PRKG1: variants seen among roughly 807,000 people sequenced by gnomAD.
The protein encoded by PRKG1 is cGMP-dependent protein kinase 1.
PRKG1 carries 35 observed loss-of-function variants against 88.1 expected under a neutral mutation model. That is an observed-to-expected ratio of 0.40 (90% CI 0.30 to 0.53). PRKG1 has a LOEUF of 0.53. Ranked by LOEUF, PRKG1 falls within the 20% of genes least tolerant of loss-of-function variation. The pLI is 0.59. For synonymous variants in PRKG1, 303 were observed against 292.5 expected, an observed-to-expected ratio of 1.04 and a Z score of -0.37; for missense variants, 540 against 839.8, an observed-to-expected ratio of 0.64 and a Z score of 4.41.
rs1205719774 is a variant in PRKG1 at position 52,036,001 on chromosome 10, G to T, written c.763-18483G>T. 5.9e-5 allele frequency among the ~76,000 whole-genome samples: 9 copies of T among 152,264 alleles called. No individual in the cohort carries two copies. In the East Asian group the frequency reaches 1.7e-3, roughly 29 times the overall value. On this transcript the variant is annotated intron_variant, in intron 5 of 17. Transcript: ENST00000373980. ...AGTTGTTGTTTTGTAGAAGGTGCTTGGGTTTGAGAGATTAGTCGGACATGA... is the reference window on the plus strand; with the variant it reads ...AGTTGTTGTTTTGTAGAAGGTGCTTTGGTTTGAGAGATTAGTCGGACATGA...
At chr10:51,400,385 T>C (rs569481805) in intron 2 of PRKG1, among the ~76,000 whole-genome samples, 123 of 152,258 alleles carry the variant, frequency 8.1e-4, no homozygotes, top group Non-Finnish European at 1.5e-3. Context: ...AACTTTTACA[T>C]TGAGACCTAA....
intron 3 of PRKG1, among the ~76,000 whole-genome samples, chr10:51,633,088 A>G (rs1839568164): frequency 6.6e-6 from 1 of 152,196 alleles, no homozygotes; most frequent in South Asian, 2.1e-4. Context: ...TCTGACTAGC[A>G]GAACACCTTT....
intron 4 of PRKG1, among the ~76,000 whole-genome samples, chr10:51,896,645 T>TAAAAAAAA (rs10649150): frequency 1.1e-3 from 104 of 94,992 alleles, no homozygotes; most frequent in African/African-American, 3.3e-3. Flanking sequence ...CCCTGTCTCT[T>TAAAAAAAA]AAAAAAAAAA....
intron 2 of PRKG1, among the ~76,000 whole-genome samples, chr10:51,158,928 A>T (rs1846288647): frequency 6.7e-6 from 1 of 150,370 alleles, no homozygotes; most frequent in Non-Finnish European, 1.5e-5. Flanking sequence ...ATCTACTCTC[A>T]AAAGACTAGA....
chr10:51,273,074 A>G (rs1358014399), intron 2 of PRKG1, among the ~76,000 whole-genome samples: 1 of 152,132 alleles, frequency 6.6e-6, no homozygotes, highest in Non-Finnish European at 1.5e-5. Context: ...TTGTTGTATC[A>G]AAAAAGTGCC....
chr10:51,518,261 A>C (rs1201995204), intron 3 of PRKG1, among the ~76,000 whole-genome samples: 1 of 152,082 alleles, frequency 6.6e-6, no homozygotes. Context: ...GCCTCCTAAA[A>C]TGCTGGGATT....
At chr10:51,657,300 G>T (rs1469601672) in intron 3 of PRKG1, among the ~76,000 whole-genome samples, 7 of 152,000 alleles carry the variant, frequency 4.6e-5, no homozygotes, top group Non-Finnish European at 4.4e-5. Flanking sequence ...TAGCCACTAA[G>T]CTCAATTGCT....
chr10:51,860,149 C>G (rs1307832200), intron 4 of PRKG1, among the ~76,000 whole-genome samples: 1 of 152,066 alleles, frequency 6.6e-6, no homozygotes, highest in Non-Finnish European at 1.5e-5. Flanking sequence ...GGCAGTAGAG[C>G]TGGGGTTTGA....
intron 5 of PRKG1, among the ~76,000 whole-genome samples, chr10:51,978,290 C>T (rs893630827): frequency 7.2e-5 from 11 of 151,942 alleles, no homozygotes; most frequent in Admixed American, 2.0e-4. Context: ...CCTTATTACT[C>T]GTCTCTCTAC....
intron 1 of PRKG1, among the ~76,000 whole-genome samples, chr10:51,145,562 G>T (rs762710860): frequency 7.9e-5 from 12 of 152,284 alleles, no homozygotes; most frequent in African/African-American, 1.7e-4. Flanking sequence ...CAGGAGAAGA[G>T]CTTGATCTGG....
chr10:51,857,836 T>C (rs115711331), intron 4 of PRKG1, among the ~76,000 whole-genome samples: 1,910 of 151,702 alleles, frequency 0.013, 50 homozygotes, highest in African/African-American at 0.044. Context: ...GTGAAGCCAA[T>C]GGAGAGAACG....
intron 10 of PRKG1, among the ~76,000 whole-genome samples, chr10:52,256,018 A>G (rs1339876769): frequency 1.4e-4 from 20 of 143,566 alleles, no homozygotes. Flanking sequence ...TAATGTATTT[A>G]TGTGGTTTAA....
chr10:52,017,463 G>A (rs1380285539), intron 5 of PRKG1, among the ~76,000 whole-genome samples: 3 of 152,092 alleles, frequency 2.0e-5, no homozygotes, highest in Non-Finnish European at 4.4e-5. Flanking sequence ...AGAAGATTCT[G>A]GGGCGATTCC....
At chr10:52,109,152 T>C (rs1044739091) in intron 7 of PRKG1, among the ~76,000 whole-genome samples, 5 of 152,076 alleles carry the variant, frequency 3.3e-5, no homozygotes, top group African/African-American at 1.2e-4. Context: ...TGGCATCACC[T>C]TATACTCTGA....
chr10:51,190,617 A>G (rs1177716064), intron 2 of PRKG1, among the ~76,000 whole-genome samples: 1 of 151,870 alleles, frequency 6.6e-6, no homozygotes, highest in African/African-American at 2.4e-5. Context: ...GGGAAGACCC[A>G]GGAGTTCTCT....
intron 4 of PRKG1, among the ~76,000 whole-genome samples, chr10:51,809,754 G>T (rs1331164395): frequency 6.6e-6 from 1 of 152,166 alleles, no homozygotes; most frequent in African/African-American, 2.4e-5. Flanking sequence ...TGGTAAGACA[G>T]ATATGCTCAC....
upstream of PRKG1, among the ~76,000 whole-genome samples, chr10:51,069,604 A>G (rs1843797763): frequency 6.6e-6 from 1 of 152,072 alleles, no homozygotes; most frequent in South Asian, 2.1e-4. Flanking sequence ...ATTCATTGCA[A>G]TAGGATGATT....
At chr10:51,666,240 A>C (rs74659069) in intron 3 of PRKG1, among the ~76,000 whole-genome samples, 2 of 152,234 alleles carry the variant, frequency 1.3e-5, no homozygotes, top group Non-Finnish European at 2.9e-5. Context: ...CTCTGCTGCT[A>C]AAATGTAGAT....
At chr10:51,690,069 G>A (rs1439677163) in intron 3 of PRKG1, among the ~76,000 whole-genome samples, 1 of 152,114 alleles carries the variant, frequency 6.6e-6, no homozygotes, top group Non-Finnish European at 1.5e-5. Context: ...GAGACCTCAG[G>A]GAACTTAGAA....
Sources: allele counts gnomAD v4.1 joint callset (sites outside exome capture counted in the v4.1 genomes callset), GRCh38; gene constraint gnomAD v4.1.1; transcripts MANE v1.5; gene names NCBI Gene and HGNC (gene_info 2026-07-23, HGNC 2026-07-21).